NETO1: variants seen among roughly 807,000 people sequenced by gnomAD.
The protein encoded by NETO1 is neuropilin and tolloid-like protein 1.
A neutral mutation model predicts 61.3 loss-of-function variants in NETO1; 26 were observed. The ratio of observed to expected loss-of-function variants is 0.42; its 90% CI spans 0.31 to 0.59. NETO1 has a LOEUF of 0.59. Among genes scored for constraint, NETO1 ranks in the 20% least tolerant of loss-of-function variants. The pLI is 0.12. For synonymous variants in NETO1, 225 were observed against 225.8 expected, an observed-to-expected ratio of 1.00 and a Z score of 0.03; for missense variants, 531 against 662.8, an observed-to-expected ratio of 0.80 and a Z score of 2.18.
chr18:72,742,977 G>A (rs879478484), downstream of NETO1, among the ~76,000 whole-genome samples: 49 of 152,152 alleles, frequency 3.2e-4, no homozygotes, highest in Non-Finnish European at 4.4e-4. Context: ...CAATCTGCCC[G>A]TTACTCTTTC....
At position 72,750,585 on chromosome 18, in the gene NETO1, T is replaced by A. The variant is rs557239091; in HGVS notation, c.1018A>T (p.Asn340Tyr). Reference sequence around the variant, plus strand: ...ACGCCAATGACAGTCCCACTGGTGTTGGTCAGCTGGTCCAGCAGGCTGGTT... The same window carrying A: ...ACGCCAATGACAGTCCCACTGGTGTAGGTCAGCTGGTCCAGCAGGCTGGTT... ...RKTSLLDQLT[N>Y]TSGTVIGVTS... Residue 340 changes from asparagine to tyrosine, a missense_variant, in exon 9 of 11, where the codon AAC becomes TAC. Transcript: ENST00000327305. 6.2e-7 allele frequency: 1 copy of A among 1,609,898 alleles called. No individual in the cohort carries two copies. The highest frequency in any genetic ancestry group is 1.3e-5 in the African/African-American group (1 of 75,006).
In NETO1 at chr18:72,747,857, A is replaced by G. The variant is rs1303311572; in HGVS notation, c.*322T>C. 6.6e-6 allele frequency: 1 copy of G among 152,228 alleles called. No homozygotes were observed. Among genetic ancestry groups the G allele is most frequent in the East Asian group, 1.9e-4 (1 of 5,202 alleles). The allele number at this position is 152,228 out of a possible 1,614,324, so 9.4% of individuals were successfully genotyped here. On this transcript the variant is annotated 3_prime_UTR_variant, in exon 11 of 11. Transcript: ENST00000327305. ...TAACAAAGACATAAAACAACATAGA[A>G]ACAAAAGTGAAACTGACAATAAAAA...
intron 6 of NETO1, among the ~76,000 whole-genome samples, chr18:72,792,643 A>C (rs939518287): frequency 6.6e-6 from 1 of 151,588 alleles, no homozygotes; most frequent in Non-Finnish European, 1.5e-5. Context: ...AGGAAAAAAA[A>C]CAATTTTCCA....
At chr18:72,852,376 G>T (rs561220004) in intron 4 of NETO1, among the ~76,000 whole-genome samples, 2 of 152,122 alleles carry the variant, frequency 1.3e-5, no homozygotes, top group East Asian at 3.9e-4. Flanking sequence ...CACCACGACC[G>T]GCTAATTTTT....
At chr18:72,771,455 A>T (rs543840610) in intron 7 of NETO1, among the ~76,000 whole-genome samples, 2 of 152,322 alleles carry the variant, frequency 1.3e-5, no homozygotes, top group East Asian at 3.9e-4. Flanking sequence ...CTTGAGTTGA[A>T]TCTGAGTTAG....
chr18:72,865,329 AT>A (rs757936502), intron 1 of NETO1, 88 bp from the exon 2 acceptor site: 634 of 1,244,970 alleles, frequency 5.1e-4, no homozygotes, highest in Non-Finnish European at 6.7e-4. Flanking sequence ...ATAAAATAAT[AT>A]CAAAGCAGAT....
chr18:72,838,206 G>A (rs2073816984), intron 4 of NETO1, among the ~76,000 whole-genome samples: 1 of 152,178 alleles, frequency 6.6e-6, no homozygotes, highest in South Asian at 2.1e-4. Flanking sequence ...AAAGACAAAG[G>A]AGAAAAAGTT....
rs752941626 is a variant in NETO1, at chr18:72,750,546, C to T, written c.1057G>A (p.Val353Met). The T allele has an allele frequency of 8.7e-6, 14 of 1,613,606 alleles. No individual in the cohort carries two copies. The highest frequency in any genetic ancestry group is 1.2e-5 in the Non-Finnish European group (14 of 1,179,974). Reference protein sequence around the residue: ...GTVIGVTSCIVIILIIISVIV... With the variant: ...GTVIGVTSCIMIILIIISVIV... ...ACAGAGATGATAATGAGGATGATCA[C>T]GATGCAGGAAGTCACGCCAATGACA... Residue 353 changes from valine to methionine, a missense_variant, in exon 9 of 11, where the codon GTG (valine) becomes ATG (methionine). Transcript: ENST00000327305.
At chr18:72,809,224 C>G (rs1046992701) in intron 4 of NETO1, among the ~76,000 whole-genome samples, 17 of 152,058 alleles carry the variant, frequency 1.1e-4, no homozygotes, top group Middle Eastern at 3.4e-3. Context: ...AAAATATATG[C>G]CAGACAAGCA....
At chr18:72,752,500 T>A (rs2070654813) in intron 8 of NETO1, among the ~76,000 whole-genome samples, 1 of 152,192 alleles carries the variant, frequency 6.6e-6, no homozygotes, top group East Asian at 1.9e-4. Context: ...CAGCCAAGTC[T>A]ACATTTAGAA....
intron 7 of NETO1, among the ~76,000 whole-genome samples, chr18:72,763,983 G>A (rs79202746): frequency 0.013 from 2,005 of 152,204 alleles, 52 homozygotes; most frequent in South Asian, 0.069. Context: ...GACAATCAGC[G>A]AAGGGGGAAA....
chr18:72,776,463 G>A (rs367687166), intron 7 of NETO1, among the ~76,000 whole-genome samples: 3 of 152,268 alleles, frequency 2.0e-5, no homozygotes, highest in African/African-American at 7.2e-5. Context: ...GTCCATTTGC[G>A]CTGCTCTAAA....
chr18:72,836,363 T>C (rs2073749860), intron 4 of NETO1, among the ~76,000 whole-genome samples: 2 of 152,190 alleles, frequency 1.3e-5, no homozygotes, highest in African/African-American at 4.8e-5. Flanking sequence ...ACACTTGTCA[T>C]ACTCTCCTTA....
At chr18:72,754,675 A>C (rs982252885) in intron 8 of NETO1, among the ~76,000 whole-genome samples, 4 of 152,206 alleles carry the variant, frequency 2.6e-5, no homozygotes, top group Non-Finnish European at 4.4e-5. Context: ...ATTACATGAA[A>C]GAAAAATTTT....
At chr18:72,774,562 G>T (rs2071480889) in intron 7 of NETO1, among the ~76,000 whole-genome samples, 1 of 151,944 alleles carries the variant, frequency 6.6e-6, no homozygotes. Flanking sequence ...GTAAAATACG[G>T]CACACTTCTA....
Position 72,854,772 on chromosome 18 carries a change from A to AT in NETO1, c.469+4053dup, listed in dbSNP as rs1005442611. 3.3e-5 allele frequency among the ~76,000 whole-genome samples: 5 copies of AT among 152,174 alleles called. No homozygotes were observed. The South Asian group carries it at 8.3e-4, about 25-fold the overall frequency. On this transcript the variant is annotated intron_variant, in intron 4 of 10. Coordinates refer to ENST00000327305, the MANE Select transcript of NETO1 (RefSeq NM_138966.5). ...AATATTATCAAGTATAGTCTTTTCT[A>AT]TTTTTTTGTTTTTTGATGTTAAATA...
intron 4 of NETO1, among the ~76,000 whole-genome samples, chr18:72,805,164 T>C (rs185625810): frequency 9.8e-5 from 15 of 152,314 alleles, no homozygotes; most frequent in East Asian, 1.9e-4. Flanking sequence ...TAATTGGCCA[T>C]AGAAAAATGA....
At position 72,857,261 on chromosome 18, in the gene NETO1, G is replaced by A. The variant is rs931496505; in HGVS notation, c.469+1565C>T. On this transcript the variant is annotated intron_variant, in intron 4 of 10. Transcript: ENST00000327305. ...GAGTTCCGTTCTGATTCAGTTGTTCGCAGCAGTGAAATCTCATTCTATAAA... is the reference window on the plus strand; with the variant it reads ...GAGTTCCGTTCTGATTCAGTTGTTCACAGCAGTGAAATCTCATTCTATAAA... Among the ~76,000 whole-genome samples the A allele has an allele frequency of 4.6e-5, 7 of 152,268 alleles. No individual in the cohort carries two copies. The South Asian group carries it at 8.3e-4, about 18-fold the overall frequency.
chr18:72,792,824 C>G (rs1268834655), intron 6 of NETO1, among the ~76,000 whole-genome samples: 3 of 151,872 alleles, frequency 2.0e-5, no homozygotes, highest in South Asian at 2.1e-4. Flanking sequence ...TTACATTACT[C>G]CTGAAAAAGC....
Sources: allele counts gnomAD v4.1 joint callset (sites outside exome capture counted in the v4.1 genomes callset), GRCh38; gene constraint gnomAD v4.1.1; transcripts MANE v1.5; gene names NCBI Gene and HGNC (gene_info 2026-07-23, HGNC 2026-07-21).